The following SBF1 variants were observed in gnomAD, a reference collection of about 807,000 sequenced individuals.
SBF1 encodes myotubularin-related protein 5.
Under a neutral mutation model 215.8 loss-of-function variants are expected in SBF1, and 65 were observed. That is an observed-to-expected ratio of 0.30 (90% CI 0.25 to 0.37). The LOEUF (loss-of-function observed/expected upper bound fraction) is 0.37. SBF1 is among the 10% of genes least tolerant of loss of function. The probability of loss-of-function intolerance (pLI) is 1.00; values close to 1 mark genes in which losing one functional copy is unlikely to be tolerated. For missense variants in SBF1, 2,634 were observed against 2,667.8 expected, an observed-to-expected ratio of 0.99 and a Z score of 0.28; for synonymous variants, 1,410 against 1,122.8, an observed-to-expected ratio of 1.26 and a Z score of -5.11.
chr22:50,447,990 T>A (rs2066900137), intron 38 of SBF1, among the ~76,000 whole-genome samples: 1 of 152,194 alleles, frequency 6.6e-6, no homozygotes, highest in Non-Finnish European at 1.5e-5. Flanking sequence ...CTGCCTGGGA[T>A]GGATCCTGCC....
rs2148583493 is a variant in SBF1, at chr22:50,459,660, T to C, written c.3498A>G (p.Pro1166=). Reference sequence around the variant, plus strand: ...CACTCTGGGGCACGATCAGCAGCCCTGGGTAGCTGAGAGGAGGCAGAGGCG... The same window carrying C: ...CACTCTGGGGCACGATCAGCAGCCCCGGGTAGCTGAGAGGAGGCAGAGGCG... ...NRMYAICRSY[P]GLLIVPQSVQ... The change falls in exon 27 of 41, where the codon CCA becomes CCG. Residue 1166 remains proline (P), a synonymous_variant. Coordinates refer to ENST00000380817, the MANE Select transcript of SBF1 (RefSeq NM_002972.4). 2.5e-6 allele frequency: 4 copies of C among 1,603,616 alleles called. No individual in the cohort carries two copies. Among genetic ancestry groups the C allele is most frequent in the Non-Finnish European group, 3.4e-6 (4 of 1,176,548 alleles).
At position 50,461,188 on chromosome 22, in the gene SBF1, C is replaced by G; in HGVS notation, c.2938G>C (p.Gly980Arg). 1 of 1,609,126 alleles carries G rather than the reference C, an allele frequency of 6.2e-7. No homozygotes were observed. Among genetic ancestry groups the G allele is most frequent in the South Asian group, 1.1e-5 (1 of 90,898 alleles). The part of the protein sequence containing the change: ...QTPVDQLLQD[G>R]LQLRSCTFQL... ...AATGTGCAGGAGCGCAGCTGGAGCC[C>G]GTCCTGCAGGAGCTGGTCCACAGGG... Residue 980 changes from glycine to arginine, a missense_variant, in exon 23 of 41, where the codon GGG (glycine) becomes CGG (arginine). Physicochemically the swap from Gly to Arg is moderately radical, Grantham distance 125. Coordinates refer to ENST00000380817, the MANE Select transcript of SBF1 (RefSeq NM_002972.4).
In SBF1 at chr22:50,445,066, A is replaced by G. The variant is rs996950366; in HGVS notation, c.*2076T>C. On this transcript the variant is annotated 3_prime_UTR_variant, in exon 41 of 41. Coordinates refer to ENST00000380817, the MANE Select transcript of SBF1 (RefSeq NM_002972.4). ...GGGCACCCCAAACCCCCAACTCCCA[A>G]TAAAAGCCGTGACGTTCGGACAAAC... 5 of 152,864 alleles carry G rather than the reference A, an allele frequency of 3.3e-5. No individual in the cohort carries two copies. The highest frequency in any genetic ancestry group is 9.6e-5 in the African/African-American group (4 of 41,578). The allele number at this position is 152,864 out of a possible 1,614,324, so 9.5% of individuals were successfully genotyped here.
chr22:50,457,441 CTTTGT>C, intron 28 of SBF1: 1 of 298,000 alleles, frequency 3.4e-6, no homozygotes, highest in South Asian at 1.1e-4. Flanking sequence ...CATCCTGGCC[CTTTGT>C]CCTCCACTCA....
intron 1 of SBF1, among the ~76,000 whole-genome samples, chr22:50,474,437 G>A (rs1323593309): frequency 6.6e-6 from 1 of 152,206 alleles, no homozygotes; most frequent in Non-Finnish European, 1.5e-5. Context: ...ACCCCAAGGA[G>A]GCCGGGCAGG....
rs756861519 is a variant in SBF1 at position 50,460,261 on chromosome 22, C to A, written c.3283+11G>T. On this transcript the variant is annotated intron_variant, in intron 25 of 40. Coordinates refer to ENST00000380817, the MANE Select transcript of SBF1 (RefSeq NM_002972.4). ...CAGAGACCACCCAGGACTCCACCCCCACCCCTCCACCTGAGATCTCGTCCT... is the reference window on the plus strand; with the variant it reads ...CAGAGACCACCCAGGACTCCACCCCAACCCCTCCACCTGAGATCTCGTCCT... 15 of 1,601,388 alleles carry A rather than the reference C, an allele frequency of 9.4e-6. No individual in the cohort carries two copies. The highest frequency in any genetic ancestry group is 1.7e-4 in the Middle Eastern group (1 of 6,010).
intron 10 of SBF1, 65 bp downstream of exon 10, chr22:50,465,698 G>T: frequency 6.9e-7 from 1 of 1,444,606 alleles, no homozygotes; most frequent in Non-Finnish European, 9.4e-7. Flanking sequence ...GTCAGTGGCA[G>T]CAGACCTGAG....
intron 28 of SBF1, chr22:50,457,431 C>T (rs1367047673): frequency 3.2e-6 from 1 of 312,196 alleles, no homozygotes; most frequent in Non-Finnish European, 5.9e-6. Flanking sequence ...CCTCCCTCCA[C>T]ATCCTGGCCC....
At position 50,459,991 on chromosome 22, in the gene SBF1, C is replaced by A; in HGVS notation, c.3452G>T (p.Arg1151Leu). 2 of 1,613,926 alleles carry A rather than the reference C, an allele frequency of 1.2e-6. No homozygotes were observed. The highest frequency in any genetic ancestry group is 1.7e-6 in the Non-Finnish European group (2 of 1,179,958). Residue 1151 changes from arginine (R) to leucine (L), a missense_variant, in exon 26 of 41, where the codon CGC (arginine) becomes CTC (leucine). Arg to Leu is a moderately radical substitution (Grantham distance 102). Coordinates refer to ENST00000380817, the MANE Select transcript of SBF1 (RefSeq NM_002972.4). ...ATACATGCGGTTGACCGGAGAAATGCGGAAGGGCTCAGACTTGGCCCGGCT... is the reference window on the plus strand; with the variant it reads ...ATACATGCGGTTGACCGGAGAAATGAGGAAGGGCTCAGACTTGGCCCGGCT... ...SLSRAKSEPFRISPVNRMYAI... is the reference protein window; with the variant it reads ...SLSRAKSEPFLISPVNRMYAI...
At chr22:50,468,708 A>G (rs2067883809) in intron 1 of SBF1, among the ~76,000 whole-genome samples, 1 of 152,038 alleles carries the variant, frequency 6.6e-6, no homozygotes. Flanking sequence ...GACCTCCTTC[A>G]GCCTGACCAG....
intron 36 of SBF1, among the ~76,000 whole-genome samples, chr22:50,453,797 A>G (rs1158888934): frequency 6.6e-6 from 1 of 152,104 alleles, no homozygotes; most frequent in Admixed American, 6.6e-5. Flanking sequence ...AAAATAAAAA[A>G]AAAAAGATAA....
intron 1 of SBF1, among the ~76,000 whole-genome samples, chr22:50,474,038 G>A (rs1484896207): frequency 1.3e-5 from 2 of 152,170 alleles, no homozygotes; most frequent in African/African-American, 2.4e-5. Context: ...TCATCGTCAG[G>A]CTCCGTTTTC....
chr22:50,456,756 G>T (rs1363657764), intron 29 of SBF1, 83 bp from the exon 30 acceptor site: 1 of 1,260,324 alleles, frequency 7.9e-7, no homozygotes, highest in Non-Finnish European at 1.1e-6. Flanking sequence ...CCTCCAGGGA[G>T]GGGGCTGAGC....
chr22:50,469,110 T>TAGAC, intron 1 of SBF1, among the ~76,000 whole-genome samples: 1 of 152,182 alleles, frequency 6.6e-6, no homozygotes, highest in South Asian at 2.1e-4. Flanking sequence ...GGGCAGCAGC[T>TAGAC]AGACGGGAAG....
At chr22:50,448,865 C>CA (rs1364176225) in intron 36 of SBF1, among the ~76,000 whole-genome samples, 2 of 152,122 alleles carry the variant, frequency 1.3e-5, no homozygotes, top group African/African-American at 4.8e-5. Context: ...CCAGAGGCAT[C>CA]AAACAACATA....
Position 50,455,364 on chromosome 22 carries a change from G to C in SBF1, c.4414C>G (p.Leu1472Val), listed in dbSNP as rs1479719064. 3.1e-6 allele frequency: 5 copies of C among 1,613,442 alleles called. No homozygotes were observed. In the South Asian group the frequency reaches 3.3e-5, roughly 11 times the overall value. Residue 1472 changes from leucine to valine, a missense_variant, in exon 33 of 41, where the codon CTG becomes GTG. Transcript: ENST00000380817. The part of the protein sequence containing the change: ...QLLSDPFYRT[L>V]EGFRLLVEKE... ...TCCACCAGCAGGCGAAAGCCCTCCA[G>C]CGTGCGGTAGAAGGGGTCTGAGAGC...
Position 50,461,628 on chromosome 22 carries a change from C to T in SBF1, c.2734G>A (p.Gly912Ser), listed in dbSNP as rs372919965. 1.9e-6 allele frequency: 3 copies of T among 1,611,484 alleles called. No individual in the cohort carries two copies. In the African/African-American group the frequency reaches 4.0e-5, roughly 21 times the overall value. ...GGTCCCCCAGCACTGCCCCCCGCGC[C>T]CTCCTCACGCCCATCCGGCAGCAGG... ...VYLLPDGREE[G>S]AGGSAGGPAL... The change falls in exon 22 of 41, where the codon GGC (glycine) becomes AGC (serine). Residue 912 changes from glycine (G) to serine (S), a missense_variant. Coordinates refer to ENST00000380817, the MANE Select transcript of SBF1 (RefSeq NM_002972.4).
rs755038470 is a variant in SBF1 at position 50,461,625 on chromosome 22, C to T, written c.2737G>A (p.Ala913Thr). Residue 913 changes from alanine (A) to threonine (T), a missense_variant, in exon 22 of 41, where the codon GCG (alanine) becomes ACG (threonine). Physicochemically the swap from Ala to Thr is moderately conservative, Grantham distance 58. Coordinates refer to ENST00000380817, the MANE Select transcript of SBF1 (RefSeq NM_002972.4). ...GCTGGTCCCCCAGCACTGCCCCCCG[C>T]GCCCTCCTCACGCCCATCCGGCAGC... ...YLLPDGREEG[A>T]GGSAGGPALL... The T allele has an allele frequency of 9.4e-5, 152 of 1,611,392 alleles. No individual in the cohort carries two copies. In the South Asian group the frequency reaches 1.4e-3, roughly 14 times the overall value.
Position 50,457,047 on chromosome 22 carries a change from C to T in SBF1, c.3891G>A (p.Arg1297=). 1 of 1,451,284 alleles carries T rather than the reference C, an allele frequency of 6.9e-7. No individual in the cohort carries two copies. The highest frequency in any genetic ancestry group is 2.8e-5 in the East Asian group (1 of 35,506). 89.9% of individuals were successfully genotyped at this position (1,451,284 alleles called of 1,614,324 possible). A position where few individuals can be genotyped will look rare whatever the true frequency, so the allele number is the denominator to read the frequency against. ...SNPMAASASR[R]TAPRGKWGSV... ...TCGGTACGGTACCTCGGGGTGCGGT[C>T]CGTCTGGAGGCCGAGGCCGCCATGG... The change falls in exon 29 of 41, where the codon CGG becomes CGA. Residue 1297 remains arginine, a synonymous_variant. Coordinates refer to ENST00000380817, the MANE Select transcript of SBF1 (RefSeq NM_002972.4).
Sources: allele counts gnomAD v4.1 joint callset (sites outside exome capture counted in the v4.1 genomes callset), GRCh38; gene constraint gnomAD v4.1.1; transcripts MANE v1.5; gene names NCBI Gene and HGNC (gene_info 2026-07-23, HGNC 2026-07-21).